The following MEI1 variants were observed in gnomAD, a reference collection of about 807,000 sequenced individuals.
The protein encoded by MEI1 is meiosis inhibitor protein 1.
In MEI1, 103 loss-of-function variants were observed where a neutral mutation model predicts 146.2. The observed-to-expected ratio is 0.70, with a 90% CI of 0.60 to 0.83. The LOEUF (loss-of-function observed/expected upper bound fraction) is 0.83, where lower values mean the gene tolerates loss of function less well. MEI1 is among the 40% of genes least tolerant of loss of function. The pLI is 0.00. For missense variants in MEI1, 1,529 were observed against 1,533.0 expected (o/e 1.00, Z 0.04); for synonymous variants, 652 against 628.2 (o/e 1.04, Z -0.57).
chr22:41,719,891 G>A (rs1034979984), intron 6 of MEI1, among the ~76,000 whole-genome samples: 7 of 152,294 alleles, frequency 4.6e-5, no homozygotes, highest in Middle Eastern at 3.4e-3. Flanking sequence ...AAGCTGTAGA[G>A]AAAAGCATAG....
At chr22:41,788,808 G>C (rs2076076847) in intron 26 of MEI1, among the ~76,000 whole-genome samples, 1 of 152,036 alleles carries the variant, frequency 6.6e-6, no homozygotes, top group Non-Finnish European at 1.5e-5. Context: ...GTGTCTCCCT[G>C]GCCTGTGACA....
chr22:41,778,629 A>G, intron 21 of MEI1, 79 bp from the exon 22 acceptor site: 9 of 1,132,294 alleles, frequency 7.9e-6, no homozygotes, highest in Middle Eastern at 2.0e-4. Context: ...ATTAAGGGCC[A>G]TTGAAGCAGG....
rs569858161 is a variant in MEI1, at chr22:41,741,688, G to C, written c.1332-1392G>C. Among the ~76,000 whole-genome samples the C allele has an allele frequency of 1.5e-3, 221 of 152,356 alleles. 1 individual carries two copies. Among genetic ancestry groups the C allele is most frequent in the African/African-American group, 5.2e-3 (216 of 41,594 alleles). On this transcript the variant is annotated intron_variant, in intron 11 of 30. Coordinates refer to ENST00000401548, the MANE Select transcript of MEI1 (RefSeq NM_152513.4). ...TAGACTTTGACTCAGAAAATTCTCAGGCTGATGCTGGGCGTGGTGGCTCAC... is the reference window on the plus strand; with the variant it reads ...TAGACTTTGACTCAGAAAATTCTCACGCTGATGCTGGGCGTGGTGGCTCAC...
chr22:41,773,720 A>G (rs1176873851), intron 20 of MEI1, among the ~76,000 whole-genome samples: 1 of 151,966 alleles, frequency 6.6e-6, no homozygotes, highest in Non-Finnish European at 1.5e-5. Context: ...CTAAAAATAC[A>G]AAAAATTAGC....
intron 11 of MEI1, among the ~76,000 whole-genome samples, chr22:41,735,504 A>T (rs1009416464): frequency 3.3e-5 from 5 of 152,116 alleles, no homozygotes; most frequent in Non-Finnish European, 7.4e-5. Flanking sequence ...AAGTGCTGGG[A>T]TTACAGGCGT....
intron 3 of MEI1, among the ~76,000 whole-genome samples, chr22:41,711,956 C>T (rs1293173267): frequency 1.3e-5 from 2 of 151,630 alleles, no homozygotes; most frequent in Non-Finnish European, 2.9e-5. Flanking sequence ...CACCTATAGT[C>T]CCTGGGAGGC....
In MEI1 at chr22:41,778,696, T is replaced by C; in HGVS notation, c.2711-12T>C. 5 of 1,588,294 alleles carry C rather than the reference T, an allele frequency of 3.1e-6. No homozygotes were observed. The highest frequency in any genetic ancestry group is 4.3e-6 in the Non-Finnish European group (5 of 1,166,782). On this transcript the variant is annotated splice_polypyrimidine_tract_variant and intron_variant, in intron 21 of 30. Transcript: ENST00000401548. ...ATCAGGCTTCTTGCCCAGTCCTCCT[T>C]GTTCTTCACAGCCTCGGGGAACCTA...
chr22:41,781,206 T>C (rs144631947), intron 22 of MEI1, 78 bp from the exon 23 acceptor site: 2 of 979,118 alleles, frequency 2.0e-6, no homozygotes, highest in Admixed American at 2.0e-5. Flanking sequence ...ACATCTGAAA[T>C]AGCCAGTCGC....
At chr22:41,722,821 T>A (rs902262262) in intron 6 of MEI1, among the ~76,000 whole-genome samples, 2 of 152,230 alleles carry the variant, frequency 1.3e-5, no homozygotes, top group Admixed American at 6.5e-5. Context: ...TATTTAATAT[T>A]CTGACATGCA....
chr22:41,759,081 T>C (rs1468897906), intron 18 of MEI1, among the ~76,000 whole-genome samples: 2 of 152,148 alleles, frequency 1.3e-5, no homozygotes, highest in Non-Finnish European at 2.9e-5. Context: ...AGACAGAGGT[T>C]GCAGTGAGCC....
intron 1 of MEI1, among the ~76,000 whole-genome samples, chr22:41,703,098 T>C (rs1278085881): frequency 6.6e-6 from 1 of 152,188 alleles, no homozygotes; most frequent in East Asian, 1.9e-4. Flanking sequence ...TAAATTGCTA[T>C]GTAAATATAG....
chr22:41,788,252 C>A (rs950351567), intron 26 of MEI1, among the ~76,000 whole-genome samples: 11 of 151,900 alleles, frequency 7.2e-5, no homozygotes, highest in African/African-American at 2.7e-4. Flanking sequence ...TGGTCTCGAA[C>A]TCGTGACCTC....
chr22:41,795,678 G>A lies in MEI1; in HGVS notation c.3667-57G>A. 6.3e-7 allele frequency: 1 copy of A among 1,593,558 alleles called. No homozygotes were observed. Among genetic ancestry groups the A allele is most frequent in the South Asian group, 1.1e-5 (1 of 89,084 alleles). ...AGTACAGAGGATGGAGGCAGTTAGG[G>A]CCTGTGTGGAATGGGCACTGAGGAG... On this transcript the variant is annotated intron_variant, in intron 29 of 30. Coordinates refer to ENST00000401548, the MANE Select transcript of MEI1 (RefSeq NM_152513.4). This position sits in a 1 kb window ranked among gnomAD's most constrained non-coding sequence, Gnocchi z 4.2.
At position 41,770,777 on chromosome 22, in the gene MEI1, T is replaced by C; in HGVS notation, c.2360T>C (p.Leu787Pro). The change falls in exon 20 of 31, where the codon CTG becomes CCG. Residue 787 changes from leucine to proline, a missense_variant. Physicochemically the swap from Leu to Pro is moderately conservative, Grantham distance 98 (BLOSUM62 -3). Transcript: ENST00000401548. Reference protein sequence around the residue: ...THHPLLLRFFLLYPELMSRYG... With the variant: ...THHPLLLRFFPLYPELMSRYG... ...CATCCGCTCCTGCTCAGGTTCTTTC[T>C]GTTGTATCCAGAGCTCATGAGTAGG... 1 of 1,613,992 alleles carries C rather than the reference T, an allele frequency of 6.2e-7. No individual in the cohort carries two copies. The highest frequency in any genetic ancestry group is 8.5e-7 in the Non-Finnish European group (1 of 1,179,888).
At chr22:41,749,297 C>T (rs1343635875) in intron 15 of MEI1, among the ~76,000 whole-genome samples, 1 of 148,030 alleles carries the variant, frequency 6.8e-6, no homozygotes, top group Non-Finnish European at 1.5e-5. Context: ...TTTTTTGAGA[C>T]AGAGTTTAGC....
chr22:41,742,385 G>A (rs1050046718), intron 11 of MEI1, among the ~76,000 whole-genome samples: 3 of 152,170 alleles, frequency 2.0e-5, no homozygotes, highest in Non-Finnish European at 4.4e-5. Context: ...CTTGATGCAC[G>A]TTCAATTCTA....
chr22:41,724,544 G>C (rs920540872), intron 7 of MEI1, among the ~76,000 whole-genome samples: 1 of 151,790 alleles, frequency 6.6e-6, no homozygotes, highest in African/African-American at 2.4e-5. Flanking sequence ...CTTGAATCTG[G>C]GAGGCGGAGG....
intron 7 of MEI1, among the ~76,000 whole-genome samples, chr22:41,726,644 T>A (rs942718823): frequency 2.6e-5 from 4 of 152,236 alleles, no homozygotes; most frequent in Non-Finnish European, 5.9e-5. Context: ...CCATCAATGG[T>A]GCATCATAGT....
rs889057269 is a variant in MEI1 at position 41,737,751 on chromosome 22, C to T, written c.1331+5148C>T. ...CCGCCTCCCCCCACTAAAATATAAGCTCCAGGAGCTAAAGGACCTTGTCAG... is the reference window on the plus strand; with the variant it reads ...CCGCCTCCCCCCACTAAAATATAAGTTCCAGGAGCTAAAGGACCTTGTCAG... On this transcript the variant is annotated intron_variant, in intron 11 of 30. Transcript: ENST00000401548. Among the ~76,000 whole-genome samples, 3 of 152,168 alleles carry T rather than the reference C, an allele frequency of 2.0e-5. No individual in the cohort carries two copies. In the East Asian group the frequency reaches 5.8e-4, roughly 29 times the overall value.
Sources: gnomAD v4.1 joint callset for allele counts (sites outside exome capture counted in the v4.1 genomes callset) on GRCh38, gnomAD v4.1.1 for gene constraint, Gnocchi (gnomAD v3.1) non-coding constraint, MANE v1.5 for transcripts, NCBI Gene and HGNC (gene_info 2026-07-23, HGNC 2026-07-21) for gene names.